PRR11: variants seen among roughly 807,000 people sequenced by gnomAD.
PRR11 encodes the protein proline rich 11.
A neutral mutation model predicts 45.6 loss-of-function variants in PRR11; 30 were observed. That is an observed-to-expected ratio of 0.66 (90% confidence interval 0.49 to 0.89). The LOEUF is 0.89. Among genes scored for constraint, PRR11 ranks in the 40% least tolerant of loss-of-function variants. PRR11 has a pLI of 0.00. For synonymous variants in PRR11, 128 were observed against 153.5 expected (o/e 0.83, Z 1.23); for missense variants, 373 against 424.8 (o/e 0.88, Z 1.07).
At chr17:59,179,089 T>C (rs1473207452) in intron 2 of PRR11, among the ~76,000 whole-genome samples, 2 of 152,210 alleles carry the variant, frequency 1.3e-5, no homozygotes, top group Admixed American at 1.3e-4. Flanking sequence ...AACCTCGGCC[T>C]CCCGAGTTCA....
chr17:59,157,371 T>C (rs1378230587), intron 1 of PRR11, among the ~76,000 whole-genome samples: 2 of 152,266 alleles, frequency 1.3e-5, no homozygotes, highest in East Asian at 3.9e-4. Context: ...TAAAGTGCTA[T>C]AGAAGTGCAA....
chr17:59,199,797 C>T (rs1159543396), intron 9 of PRR11, among the ~76,000 whole-genome samples: 1 of 152,214 alleles, frequency 6.6e-6, no homozygotes, highest in Non-Finnish European at 1.5e-5. Context: ...TAATTTCTCT[C>T]TTACCAATCA....
chr17:59,200,098 C>A (rs899679281), intron 9 of PRR11, among the ~76,000 whole-genome samples: 2 of 152,158 alleles, frequency 1.3e-5, no homozygotes, highest in Admixed American at 6.6e-5. Flanking sequence ...TGAACAACAA[C>A]AAAAATCACA....
At chr17:59,201,527 A>C (rs752945654) in intron 9 of PRR11, 36 bp from the exon 10 acceptor site, 15 of 1,586,284 alleles carry the variant, frequency 9.5e-6, no homozygotes, top group Non-Finnish European at 1.3e-5. Context: ...ACAGGAATAT[A>C]ATTGATATTA....
intron 2 of PRR11, chr17:59,175,032 A>G: frequency 1.5e-6 from 1 of 645,910 alleles, no homozygotes; most frequent in Non-Finnish European, 2.7e-6. Context: ...AAGTTTATGG[A>G]ACAAGGGTAT....
At chr17:59,177,242 T>C in intron 2 of PRR11, 1 of 546,918 alleles carries the variant, frequency 1.8e-6, no homozygotes. Context: ...GCTATGACCA[T>C]AGCCAGGAGA....
At chr17:59,201,139 A>G (rs1239178819) in intron 9 of PRR11, among the ~76,000 whole-genome samples, 1 of 151,264 alleles carries the variant, frequency 6.6e-6, no homozygotes, top group Non-Finnish European at 1.5e-5. Context: ...CCACTGTATC[A>G]TTCTTATGCC....
rs1047990883 is a variant in PRR11, at chr17:59,181,462, C to T, written c.129-3592C>T. 17 of 1,066,970 alleles carry T rather than the reference C, an allele frequency of 1.6e-5. 1 individual carries two copies. The African/African-American group carries it at 1.8e-4, about 11-fold the overall frequency. 66.1% of individuals were successfully genotyped at this position (1,066,970 alleles called of 1,614,324 possible). A position where few individuals can be genotyped will look rare whatever the true frequency, so the allele number is the denominator to read the frequency against. On this transcript the variant is annotated intron_variant, in intron 2 of 9. Coordinates refer to ENST00000262293, the MANE Select transcript of PRR11 (RefSeq NM_018304.4). ...AAGTGTGGTTATTGAAAGTTTTCCTCGTTTTTAAAAGAACAGGATTGGAGG... is the reference window on the plus strand; with the variant it reads ...AAGTGTGGTTATTGAAAGTTTTCCTTGTTTTTAAAAGAACAGGATTGGAGG...
intron 9 of PRR11, among the ~76,000 whole-genome samples, chr17:59,200,669 T>C (rs975072805): frequency 2.6e-5 from 4 of 152,056 alleles, no homozygotes; most frequent in African/African-American, 9.7e-5. Flanking sequence ...ATTTTTTGTA[T>C]TTTTAGTAGA....
chr17:59,196,576 T>C (rs928182201), intron 7 of PRR11, among the ~76,000 whole-genome samples: 3 of 152,000 alleles, frequency 2.0e-5, no homozygotes, highest in African/African-American at 7.2e-5. Context: ...GGGGTTTCAC[T>C]ATGTTGGCCA....
chr17:59,184,953 T>A, intron 2 of PRR11, 101 bp from the exon 3 acceptor site: 1 of 908,234 alleles, frequency 1.1e-6, no homozygotes, highest in Non-Finnish European at 1.5e-6. Flanking sequence ...CACCTCAGCC[T>A]CCCAAAGTGC....
intron 9 of PRR11, chr17:59,198,010 G>C: frequency 1.9e-6 from 1 of 515,738 alleles, no homozygotes. Context: ...AGCTACTTGG[G>C]AAGCTGTGTT....
In PRR11 at chr17:59,181,703, T is replaced by C. The variant is rs1213071531; in HGVS notation, c.129-3351T>C. On this transcript the variant is annotated intron_variant, in intron 2 of 9. Coordinates refer to ENST00000262293, the MANE Select transcript of PRR11 (RefSeq NM_018304.4). Reference sequence around the variant, plus strand: ...TGGTCCGACCACTCCCTCTTCCTTTTCCAGCAAAGGGACCTACATGGGAGG... The same window carrying C: ...TGGTCCGACCACTCCCTCTTCCTTTCCCAGCAAAGGGACCTACATGGGAGG... 13 of 1,553,200 alleles carry C rather than the reference T, an allele frequency of 8.4e-6. No individual in the cohort carries two copies. The Admixed American group carries it at 2.2e-4, about 26-fold the overall frequency.
chr17:59,175,113 T>G, intron 2 of PRR11: 1 of 568,522 alleles, frequency 1.8e-6, no homozygotes, highest in Non-Finnish European at 3.1e-6. Flanking sequence ...CTCCTCCATG[T>G]CATTGGCCAG....
intron 1 of PRR11, among the ~76,000 whole-genome samples, chr17:59,168,295 A>G (rs1376498707): frequency 1.3e-5 from 2 of 151,168 alleles, no homozygotes; most frequent in Non-Finnish European, 2.9e-5. Context: ...CAGCCTCCCC[A>G]GTAGCTGGGA....
intron 4 of PRR11, 66 bp downstream of exon 4, chr17:59,185,628 AT>A: frequency 2.2e-6 from 3 of 1,352,668 alleles, no homozygotes; most frequent in Non-Finnish European, 3.1e-6. Flanking sequence ...TGAAAAGACT[AT>A]TGCAATAGGG....
Position 59,203,445 on chromosome 17 carries a change from G to T in PRR11, c.*1814G>T, listed in dbSNP as rs1382353486. 6.6e-6 allele frequency: 1 copy of T among 152,110 alleles called. No individual in the cohort carries two copies. Among genetic ancestry groups the T allele is most frequent in the Non-Finnish European group, 1.5e-5 (1 of 68,092 alleles). The allele number at this position is 152,110 out of a possible 1,614,324, so 9.4% of individuals were successfully genotyped here. A position where few individuals can be genotyped will look rare whatever the true frequency, so the allele number is the denominator to read the frequency against. ...TCACTATGTTGGCCAGGCTGGTCTT[G>T]AACTCCTCACCTCAGGTGATCCACC... On this transcript the variant is annotated 3_prime_UTR_variant, in exon 10 of 10. Coordinates refer to ENST00000262293, the MANE Select transcript of PRR11 (RefSeq NM_018304.4).
In PRR11 at chr17:59,203,406, G is replaced by A. The variant is rs930461495; in HGVS notation, c.*1775G>A. The A allele has an allele frequency of 2.6e-5, 4 of 152,226 alleles. No individual in the cohort carries two copies. The highest frequency in any genetic ancestry group is 5.9e-5 in the Non-Finnish European group (4 of 68,068). 9.4% of individuals were successfully genotyped at this position (152,226 alleles called of 1,614,324 possible). ...CGCCTGACTAATTTTTGTATTTCTA[G>A]TAAAGATGGGGTTTCACTATGTTGG... On this transcript the variant is annotated 3_prime_UTR_variant, in exon 10 of 10. Transcript: ENST00000262293.
chr17:59,195,868 C>T (rs190896459), intron 7 of PRR11, among the ~76,000 whole-genome samples: 184 of 151,782 alleles, frequency 1.2e-3, no homozygotes, highest in African/African-American at 4.1e-3. Flanking sequence ...TGCTTGAGGC[C>T]GGGAGTTTAA....
Sources: allele counts gnomAD v4.1 joint callset (sites outside exome capture counted in the v4.1 genomes callset), GRCh38; gene constraint gnomAD v4.1.1; transcripts MANE v1.5; gene names NCBI Gene and HGNC (gene_info 2026-07-23, HGNC 2026-07-21).